C8orf88: variants seen among roughly 807,000 people sequenced by gnomAD.
The protein encoded by C8orf88 is chromosome 8 open reading frame 88.
In C8orf88, 14 loss-of-function variants were observed where a neutral mutation model predicts 18.4. That is an observed-to-expected ratio of 0.76 (90% CI 0.50 to 1.19). C8orf88 has a LOEUF of 1.19. Ranked by LOEUF, C8orf88 falls within the 50% of genes most tolerant of loss-of-function variation. C8orf88 has a pLI of 0.00. For synonymous variants in C8orf88, 45 were observed against 42.9 expected (o/e 1.05, Z -0.19); for missense variants, 116 against 134.7 (o/e 0.86, Z 0.69).
intron 3 of C8orf88, among the ~76,000 whole-genome samples, chr8:90,974,541 T>C (rs1811321643): frequency 6.6e-6 from 1 of 152,130 alleles, no homozygotes; most frequent in Admixed American, 6.6e-5. Flanking sequence ...TAGGGCCAGC[T>C]CAGTCCAGTC....
intron 2 of C8orf88, among the ~76,000 whole-genome samples, chr8:90,979,987 T>C (rs1365905022): frequency 6.6e-6 from 1 of 152,190 alleles, no homozygotes; most frequent in African/African-American, 2.4e-5. Context: ...TTTAGTTACG[T>C]ACTTATTCTT....
At chr8:90,974,837 AATT>A (rs1327805835) in intron 3 of C8orf88, among the ~76,000 whole-genome samples, 2 of 152,098 alleles carry the variant, frequency 1.3e-5, no homozygotes, top group Non-Finnish European at 2.9e-5. Context: ...ACAAAAGTAA[AATT>A]ATCATCATAA....
chr8:90,984,979 A>AC, intron 1 of C8orf88, 135 bp downstream of exon 1: 2 of 151,992 alleles, frequency 1.3e-5, no homozygotes, highest in East Asian at 3.9e-4. Flanking sequence ...AGATTTCCCG[A>AC]CCCACCTCAG....
chr8:90,975,484 A>T (rs1253007685), intron 3 of C8orf88, among the ~76,000 whole-genome samples: 2 of 152,066 alleles, frequency 1.3e-5, no homozygotes, highest in South Asian at 2.1e-4. Flanking sequence ...ATCAAAAAAA[A>T]TTTTTTTAAA....
intron 4 of C8orf88, among the ~76,000 whole-genome samples, chr8:90,963,002 G>A (rs1477120644): frequency 1.3e-5 from 2 of 151,602 alleles, no homozygotes; most frequent in African/African-American, 4.8e-5. Flanking sequence ...CTAGGCTCAT[G>A]TTCACAGAAA....
intron 1 of C8orf88, among the ~76,000 whole-genome samples, chr8:90,982,335 A>T (rs985862420): frequency 6.6e-6 from 1 of 152,154 alleles, no homozygotes; most frequent in Admixed American, 6.5e-5. Flanking sequence ...AACCTAATAT[A>T]CATTGCTTTA....
chr8:90,962,521 A>G (rs1405256898), intron 4 of C8orf88, among the ~76,000 whole-genome samples: 1 of 151,626 alleles, frequency 6.6e-6, no homozygotes, highest in African/African-American at 2.4e-5. Context: ...CCAGGGGAAT[A>G]CTTAGTGAAG....
intron 3 of C8orf88, among the ~76,000 whole-genome samples, 178 bp from the exon 4 acceptor site, chr8:90,971,319 T>C (rs1811280391): frequency 6.6e-6 from 1 of 151,778 alleles, no homozygotes; most frequent in Non-Finnish European, 1.5e-5. Context: ...TCAAAATATA[T>C]TCACATATAT....
intron 2 of C8orf88, among the ~76,000 whole-genome samples, chr8:90,979,985 C>T (rs1322266515): frequency 2.6e-5 from 4 of 151,972 alleles, no homozygotes; most frequent in South Asian, 2.1e-4. Context: ...CATTTAGTTA[C>T]GTACTTATTC....
At chr8:90,963,853 T>A (rs1426991659) in intron 4 of C8orf88, among the ~76,000 whole-genome samples, 1 of 151,202 alleles carries the variant, frequency 6.6e-6, no homozygotes, top group Non-Finnish European at 1.5e-5. Flanking sequence ...AAATAAATAA[T>A]GGGAGTCCCA....
intron 4 of C8orf88, 88 bp from the exon 5 acceptor site, chr8:90,960,936 A>G: frequency 1.6e-6 from 1 of 635,042 alleles, no homozygotes; most frequent in Non-Finnish European, 2.6e-6. Context: ...GATGTCCTCT[A>G]TTCATTATAT....
At chr8:90,970,566 G>A (rs889599464) in intron 4 of C8orf88, among the ~76,000 whole-genome samples, 2 of 151,994 alleles carry the variant, frequency 1.3e-5, no homozygotes, top group African/African-American at 4.8e-5. Flanking sequence ...AGTCTACCCT[G>A]CCAGTAGGCA....
chr8:90,980,223 T>C, intron 2 of C8orf88, 140 bp downstream of exon 2: 1 of 478,160 alleles, frequency 2.1e-6, no homozygotes, highest in Non-Finnish European at 3.4e-6. Context: ...ATCTTTCTCC[T>C]TCAGTAATAC....
chr8:90,985,015 CCCGGGGTCGGG>C (rs1199544527), intron 1 of C8orf88, 88 bp downstream of exon 1: 1 of 152,574 alleles, frequency 6.6e-6, no homozygotes, highest in Non-Finnish European at 1.5e-5. Context: ...CCTCAACTTT[CCCGGGGTCGGG>C]CCTGGGAGAC....
chr8:90,969,414 C>A (rs1367388405), intron 4 of C8orf88, among the ~76,000 whole-genome samples: 1 of 151,732 alleles, frequency 6.6e-6, no homozygotes, highest in African/African-American at 2.4e-5. Context: ...ATGGATATCT[C>A]AATTACCCTT....
chr8:90,963,484 T>A (rs192977343), intron 4 of C8orf88, among the ~76,000 whole-genome samples: 72 of 151,672 alleles, frequency 4.7e-4, no homozygotes, highest in African/African-American at 1.5e-3. Context: ...GAAATAGAAA[T>A]TTTCAGTAAG....
intron 5 of C8orf88, chr8:90,959,392 T>C (rs1811092601): frequency 6.4e-6 from 1 of 155,516 alleles, no homozygotes; most frequent in Non-Finnish European, 1.4e-5. Flanking sequence ...TTATTAAAGA[T>C]GGAAAGTCTA....
intron 1 of C8orf88, among the ~76,000 whole-genome samples, chr8:90,982,952 A>G (rs2130329189): frequency 6.6e-6 from 1 of 152,190 alleles, no homozygotes; most frequent in South Asian, 2.1e-4. Context: ...ATAAACCAAA[A>G]CCTAATTCTC....
At chr8:90,980,110 G>A (rs1245546414) in intron 2 of C8orf88, among the ~76,000 whole-genome samples, 5 of 152,144 alleles carry the variant, frequency 3.3e-5, no homozygotes, top group Non-Finnish European at 5.9e-5. Context: ...CTACAAAAAT[G>A]AGACATGAGA....
Sources: gnomAD v4.1 joint callset for allele counts (sites outside exome capture counted in the v4.1 genomes callset) on GRCh38, gnomAD v4.1.1 for gene constraint, MANE v1.5 for transcripts, NCBI Gene and HGNC (gene_info 2026-07-23, HGNC 2026-07-21) for gene names.